The following DNAH11 variants were observed in gnomAD, a reference collection of about 807,000 sequenced individuals.
DNAH11 encodes the protein axonemal beta dynein heavy chain 11.
DNAH11 carries 442 observed loss-of-function variants against 526.0 expected under a neutral mutation model. That is an observed-to-expected ratio of 0.84 (90% confidence interval 0.78 to 0.91). The LOEUF is 0.91. Among genes scored for constraint, DNAH11 ranks in the 40% least tolerant of loss-of-function variants. DNAH11 has a pLI of 0.00. For missense variants in DNAH11, 6,989 were observed against 5,448.7 expected (o/e 1.28, Z -8.90); for synonymous variants, 2,461 against 1,935.9 (o/e 1.27, Z -7.12).
At chr7:21,691,675 A>G (rs1783637289) in intron 35 of DNAH11, among the ~76,000 whole-genome samples, 2 of 152,136 alleles carry the variant, frequency 1.3e-5, no homozygotes, top group Non-Finnish European at 2.9e-5. Context: ...AGTAGGCATG[A>G]TTTTTCTTTA....
intron 28 of DNAH11, among the ~76,000 whole-genome samples, chr7:21,642,494 A>T (rs1258172708): frequency 6.6e-6 from 1 of 152,088 alleles, no homozygotes; most frequent in African/African-American, 2.4e-5. Context: ...CCCTCTTTTC[A>T]ACATTAGAGT....
intron 63 of DNAH11, among the ~76,000 whole-genome samples, chr7:21,813,783 C>T (rs749586330): frequency 6.6e-6 from 1 of 152,150 alleles, no homozygotes; most frequent in Admixed American, 6.5e-5. Context: ...TTAGATGGAG[C>T]CTTACAACAG....
At chr7:21,830,923 C>T (rs1007090075) in intron 65 of DNAH11, among the ~76,000 whole-genome samples, 8 of 152,194 alleles carry the variant, frequency 5.3e-5, no homozygotes, top group Admixed American at 4.6e-4. Context: ...AGCAGCTTCT[C>T]ATCTCCAAAC....
At chr7:21,590,893 A>G in intron 12 of DNAH11, 25 bp from the exon 13 acceptor site, 2 of 1,257,138 alleles carry the variant, frequency 1.6e-6, no homozygotes, top group Non-Finnish European at 1.0e-6. Flanking sequence ...AATATGCAAT[A>G]ATTTTAATAA....
chr7:21,732,679 C>T (rs1785433166), intron 45 of DNAH11, among the ~76,000 whole-genome samples: 1 of 152,166 alleles, frequency 6.6e-6, no homozygotes, highest in African/African-American at 2.4e-5. Flanking sequence ...AATCACAATG[C>T]AGATTAATTC....
chr7:21,641,342 A>G (rs1346345328), intron 28 of DNAH11, among the ~76,000 whole-genome samples: 1 of 152,140 alleles, frequency 6.6e-6, no homozygotes, highest in East Asian at 1.9e-4. Flanking sequence ...CACTGTGCAG[A>G]TGGCCTCCTT....
At chr7:21,839,618 G>A (rs568457801) in intron 65 of DNAH11, among the ~76,000 whole-genome samples, 7 of 151,750 alleles carry the variant, frequency 4.6e-5, no homozygotes, top group Non-Finnish European at 5.9e-5. Context: ...GGTATATACT[G>A]GCTTGGGCAG....
intron 28 of DNAH11, 86 bp from the exon 29 acceptor site, chr7:21,655,746 A>G: frequency 7.4e-7 from 1 of 1,351,874 alleles, no homozygotes; most frequent in South Asian, 1.4e-5. Flanking sequence ...ATAACGTTTC[A>G]TGACTTCATA....
chr7:21,780,814 T>G (rs1440140764), intron 57 of DNAH11, among the ~76,000 whole-genome samples: 2 of 152,338 alleles, frequency 1.3e-5, no homozygotes, highest in Non-Finnish European at 2.9e-5. Context: ...TTAACATCTA[T>G]TTTGTCACCA....
intron 14 of DNAH11, among the ~76,000 whole-genome samples, chr7:21,596,600 T>C (rs1381394004): frequency 6.6e-6 from 1 of 152,162 alleles, no homozygotes; most frequent in Non-Finnish European, 1.5e-5. Flanking sequence ...TAAAAAAATG[T>C]ACTCCCCAAA....
chr7:21,799,723 T>C (rs1216565952), intron 61 of DNAH11, among the ~76,000 whole-genome samples: 1 of 152,220 alleles, frequency 6.6e-6, no homozygotes, highest in Non-Finnish European at 1.5e-5. Flanking sequence ...TAATCTTAAA[T>C]TTGATGTATA....
intron 7 of DNAH11, 112 bp from the exon 8 acceptor site, chr7:21,571,694 T>G: frequency 1.5e-6 from 1 of 683,202 alleles, no homozygotes; most frequent in Non-Finnish European, 2.2e-6. Flanking sequence ...TTCTGTCATT[T>G]TCTGTCATTG....
chr7:21,575,090 T>A (rs543437191), intron 8 of DNAH11, among the ~76,000 whole-genome samples: 2 of 151,966 alleles, frequency 1.3e-5, no homozygotes, highest in Admixed American at 6.6e-5. Flanking sequence ...TTGGCCAGGC[T>A]GGTCTTAAAC....
At chr7:21,594,063 T>TAC (rs59727118) in intron 14 of DNAH11, among the ~76,000 whole-genome samples, 15,429 of 137,340 alleles carry the variant, frequency 0.11, 968 homozygotes, top group Admixed American at 0.21. Context: ...CATACACACA[T>TAC]ACACACACAC....
At chr7:21,728,168 C>T (rs1199604490) in intron 45 of DNAH11, among the ~76,000 whole-genome samples, 3 of 150,946 alleles carry the variant, frequency 2.0e-5, no homozygotes, top group Non-Finnish European at 4.4e-5. Context: ...CAATGTGCCG[C>T]CTTGACCCCC....
chr7:21,794,058 C>T (rs981428445), intron 61 of DNAH11, among the ~76,000 whole-genome samples: 2 of 152,174 alleles, frequency 1.3e-5, no homozygotes, highest in African/African-American at 4.8e-5. Context: ...GCCTCAAATT[C>T]ATTTTTTACT....
chr7:21,643,310 C>G (rs1787204373), intron 28 of DNAH11, among the ~76,000 whole-genome samples: 1 of 152,130 alleles, frequency 6.6e-6, no homozygotes, highest in Non-Finnish European at 1.5e-5. Flanking sequence ...AAATAACTGA[C>G]AACTTTGGGC....
intron 20 of DNAH11, among the ~76,000 whole-genome samples, chr7:21,612,577 G>T (rs1378423827): frequency 1.8e-5 from 2 of 110,404 alleles, no homozygotes; most frequent in East Asian, 2.7e-4. Flanking sequence ...AAAAAAAAAA[G>T]AGACTAAGAA....
chr7:21,795,119 A>G (rs780707385), intron 61 of DNAH11, among the ~76,000 whole-genome samples: 1 of 152,110 alleles, frequency 6.6e-6, no homozygotes, highest in Non-Finnish European at 1.5e-5. Flanking sequence ...TTCTGGTGAC[A>G]TCCCTTTGTG....
Sources: allele counts gnomAD v4.1 joint callset (sites outside exome capture counted in the v4.1 genomes callset), GRCh38; gene constraint gnomAD v4.1.1; transcripts MANE v1.5; gene names NCBI Gene and HGNC (gene_info 2026-07-23, HGNC 2026-07-21).